The following PTPRD variants were observed in gnomAD, a reference collection of about 807,000 sequenced individuals.
PTPRD encodes receptor-type tyrosine-protein phosphatase delta.
In PTPRD, 34 loss-of-function variants were observed where a neutral mutation model predicts 214.5. The ratio of observed to expected loss-of-function variants is 0.16; its 90% confidence interval spans 0.12 to 0.21. PTPRD has a LOEUF of 0.21. Among genes scored for constraint, PTPRD ranks in the 10% least tolerant of loss-of-function variants. PTPRD has a pLI of 1.00. For missense variants in PTPRD, 2,545 were observed against 2,398.7 expected, an observed-to-expected ratio of 1.06 and a Z score of -1.27; for synonymous variants, 1,128 against 845.7, an observed-to-expected ratio of 1.33 and a Z score of -5.79.
intron 5 of PTPRD, among the ~76,000 whole-genome samples, chr9:9,907,075 T>C (rs2077777233): frequency 6.6e-6 from 1 of 151,898 alleles, no homozygotes; most frequent in Non-Finnish European, 1.5e-5. Context: ...CAAATCCTTA[T>C]ATGGTCAGTT....
rs562299564 is a variant in PTPRD, at chr9:9,436,687, C to A, written c.-236-39205G>T. On this transcript the variant is annotated intron_variant, in intron 8 of 45. Coordinates refer to ENST00000381196, the MANE Select transcript of PTPRD (RefSeq NM_002839.4). ...CATTTCAGGAATTGAAAAAAAAAAT[C>A]TCTCTACATGAAGGAAGTAGAAGTT... is the stretch of plus-strand genomic sequence containing the variant. Among the ~76,000 whole-genome samples, 9 of 151,544 alleles carry A rather than the reference C, an allele frequency of 5.9e-5. No individual in the cohort carries two copies. In the South Asian group the frequency reaches 8.3e-4, roughly 14 times the overall value.
chr9:8,718,145 A>G (rs1676123161), intron 12 of PTPRD, among the ~76,000 whole-genome samples: 1 of 152,204 alleles, frequency 6.6e-6, no homozygotes, highest in Non-Finnish European at 1.5e-5. Context: ...AAAATCAGAA[A>G]GCACTTTTTG....
chr9:9,019,352 G>GAA (rs1185221010), intron 10 of PTPRD, among the ~76,000 whole-genome samples: 1 of 132,940 alleles, frequency 7.5e-6, no homozygotes, highest in African/African-American at 2.8e-5. Context: ...AAGAAAGAAA[G>GAA]AAAGAAAGAA....
intron 8 of PTPRD, among the ~76,000 whole-genome samples, chr9:9,437,911 C>T (rs1301684529): frequency 6.6e-6 from 1 of 152,264 alleles, no homozygotes; most frequent in African/African-American, 2.4e-5. Flanking sequence ...GCTAACTCAA[C>T]AAAAATTCAT....
At chr9:10,043,012 G>C (rs2097325041) in intron 3 of PTPRD, among the ~76,000 whole-genome samples, 1 of 151,880 alleles carries the variant, frequency 6.6e-6, no homozygotes, top group South Asian at 2.1e-4. Context: ...TCTAATCTGA[G>C]TTCTAACACA....
At chr9:10,049,265 A>G (rs750074120) in intron 3 of PTPRD, among the ~76,000 whole-genome samples, 10 of 152,056 alleles carry the variant, frequency 6.6e-5, no homozygotes, top group Non-Finnish European at 1.0e-4. Flanking sequence ...CAGACATTTA[A>G]CATACATCAT....
intron 10 of PTPRD, among the ~76,000 whole-genome samples, chr9:9,019,741 T>C (rs1179560130): frequency 6.6e-6 from 1 of 152,120 alleles, no homozygotes; most frequent in African/African-American, 2.4e-5. Flanking sequence ...TTATTATTAA[T>C]ATAATTTTTT....
intron 12 of PTPRD, among the ~76,000 whole-genome samples, chr9:8,661,138 T>G (rs1407736152): frequency 6.6e-6 from 1 of 152,112 alleles, no homozygotes; most frequent in African/African-American, 2.4e-5. Context: ...CTTTTTCATA[T>G]GCCAGACCCT....
chr9:9,407,581 T>G, intron 8 of PTPRD, among the ~76,000 whole-genome samples: 1 of 151,776 alleles, frequency 6.6e-6, no homozygotes, highest in Non-Finnish European at 1.5e-5. Flanking sequence ...TTTTTTGAAA[T>G]TGTTATACCA....
chr9:10,169,800 G>C (rs1475287520), intron 3 of PTPRD, among the ~76,000 whole-genome samples: 1 of 152,040 alleles, frequency 6.6e-6, no homozygotes, highest in Non-Finnish European at 1.5e-5. Context: ...ATAATTCCCA[G>C]TTTTCAACCA....
chr9:9,894,003 G>T (rs576629264), intron 5 of PTPRD, among the ~76,000 whole-genome samples: 17 of 152,140 alleles, frequency 1.1e-4, no homozygotes, highest in Non-Finnish European at 2.2e-4. Flanking sequence ...TGGTAGAGAA[G>T]GGGTTTCACA....
intron 3 of PTPRD, among the ~76,000 whole-genome samples, chr9:10,182,910 T>A (rs981541112): frequency 1.3e-5 from 2 of 152,166 alleles, no homozygotes; most frequent in East Asian, 3.9e-4. Flanking sequence ...TGACACCATG[T>A]ACTTGATCAG....
chr9:9,640,635 A>AT lies in PTPRD; in HGVS notation c.-286-65855dup, dbSNP rs1414863283. ...TATGAAGATTCTAATCATTAGAAGAATTTTTATGGAGGAGTTAGACAATTA... is the reference window on the plus strand; with the variant it reads ...TATGAAGATTCTAATCATTAGAAGAATTTTTTATGGAGGAGTTAGACAATTA... On this transcript the variant is annotated intron_variant, in intron 7 of 45. Coordinates refer to ENST00000381196, the MANE Select transcript of PTPRD (RefSeq NM_002839.4). 6.6e-5 allele frequency among the ~76,000 whole-genome samples: 10 copies of AT among 152,330 alleles called. No homozygotes were observed. In the East Asian group the frequency reaches 1.7e-3, roughly 26 times the overall value.
intron 9 of PTPRD, among the ~76,000 whole-genome samples, chr9:9,357,725 A>AAC (rs4008109): frequency 0.2 from 30,728 of 150,690 alleles, 3,586 homozygotes; most frequent in East Asian, 0.35. Flanking sequence ...AAAAAAAAAA[A>AAC]ATGACACAGT....
intron 19 of PTPRD, among the ~76,000 whole-genome samples, chr9:8,522,840 G>T (rs978466297): frequency 3.3e-5 from 5 of 151,720 alleles, no homozygotes; most frequent in Non-Finnish European, 5.9e-5. Context: ...ATTTAATAAA[G>T]ATTTTTTAAA....
intron 11 of PTPRD, among the ~76,000 whole-genome samples, chr9:8,788,359 T>C (rs1414083999): frequency 7.5e-6 from 1 of 132,700 alleles, no homozygotes; most frequent in Non-Finnish European, 1.6e-5. Context: ...CACCACAACC[T>C]CCGCCTCTCA....
In PTPRD at chr9:10,119,324, T is replaced by A. The variant is rs74903325; in HGVS notation, c.-544-85534A>T. On this transcript the variant is annotated intron_variant, in intron 3 of 45. Transcript: ENST00000381196. ...GGTCATCCAAAGACAGATTCTAAAG[T>A]TATTATCTTAACCATCTCCATAGTG... 3.8e-3 allele frequency among the ~76,000 whole-genome samples: 585 copies of A among 152,106 alleles called. 3 individuals are homozygous for A. The highest frequency in any genetic ancestry group is 0.013 in the African/African-American group (559 of 41,552).
At chr9:8,405,570 C>T (rs2092891267) in intron 35 of PTPRD, among the ~76,000 whole-genome samples, 1 of 151,986 alleles carries the variant, frequency 6.6e-6, no homozygotes, top group Middle Eastern at 3.2e-3. Flanking sequence ...ACTTCATTTC[C>T]TGAAACGTTA....
chr9:10,066,323 C>T lies in PTPRD; in HGVS notation c.-544-32533G>A, dbSNP rs7857117. Among the ~76,000 whole-genome samples, 580 of 151,820 alleles carry T rather than the reference C, an allele frequency of 3.8e-3. 4 individuals carry two copies. Among genetic ancestry groups the T allele is most frequent in the African/African-American group, 0.011 (462 of 41,472 alleles). ...CTATTTGCATTAAAAAAAGCAGTGG[C>T]AAATTTAACACCCGTTTCAATGGAT... On this transcript the variant is annotated intron_variant, in intron 3 of 45. Transcript: ENST00000381196.
Sources: allele counts gnomAD v4.1 joint callset (sites outside exome capture counted in the v4.1 genomes callset), GRCh38; gene constraint gnomAD v4.1.1; transcripts MANE v1.5; gene names NCBI Gene and HGNC (gene_info 2026-07-23, HGNC 2026-07-21).